Variants in TENM3 observed in about 807,000 individuals in gnomAD.
TENM3 encodes teneurin-3.
TENM3 carries 63 observed loss-of-function variants against 255.1 expected under a neutral mutation model. That is an observed-to-expected ratio of 0.25 (90% confidence interval 0.20 to 0.30). The LOEUF is 0.30. Among genes scored for constraint, TENM3 ranks in the 10% least tolerant of loss-of-function variants. The pLI, the probability that TENM3 is intolerant of heterozygous loss-of-function variation, is 1.00. For synonymous variants in TENM3, 1,306 were observed against 1,322.3 expected (o/e 0.99, Z 0.27); for missense variants, 2,929 against 3,461.1 (o/e 0.85, Z 3.86).
At chr4:182,585,419 T>G (rs973586601) in intron 3 of TENM3, among the ~76,000 whole-genome samples, 20 of 152,120 alleles carry the variant, frequency 1.3e-4, no homozygotes, top group African/African-American at 4.8e-4. Context: ...AAGGAAGTAA[T>G]TAAGGTTAAA....
At chr4:182,739,839 C>G (rs1055840439) in intron 18 of TENM3, among the ~76,000 whole-genome samples, 1 of 152,118 alleles carries the variant, frequency 6.6e-6, no homozygotes, top group Admixed American at 6.5e-5. Context: ...AGTTTGAGAC[C>G]AGCCTGGCCA....
chr4:182,043,202 G>A, the TENM3 span, among the ~76,000 whole-genome samples: 1 of 152,066 alleles, frequency 6.6e-6, no homozygotes, highest in East Asian at 1.9e-4. Context: ...TAATCAAAAT[G>A]AAAATAAAAC....
intron 6 of TENM3, among the ~76,000 whole-genome samples, chr4:182,661,192 A>ATTTTTTTTTT (rs35208231): frequency 3.4e-5 from 3 of 88,596 alleles, no homozygotes; most frequent in African/African-American, 1.4e-4. Flanking sequence ...TTAAATTTTA[A>ATTTTTTTTTT]TTTTTTTTTT....
chr4:182,273,825 C>T (rs539728665), intron 1 of TENM3, among the ~76,000 whole-genome samples: 48 of 152,222 alleles, frequency 3.2e-4, no homozygotes, highest in Non-Finnish European at 5.4e-4. Flanking sequence ...AATGCCAATT[C>T]GGAAATTTGA....
chr4:182,186,762 C>CACATATATAT (rs1753177281), intron 1 of TENM3, among the ~76,000 whole-genome samples: 2 of 27,498 alleles, frequency 7.3e-5, no homozygotes, highest in African/African-American at 2.5e-4. Context: ...ACTAATGCAT[C>CACATATATAT]ATATATATAT....
At chr4:182,250,465 TAACTTACCTAAGGTAACAC>T (rs1174994521) in intron 1 of TENM3, among the ~76,000 whole-genome samples, 3 of 152,186 alleles carry the variant, frequency 2.0e-5, no homozygotes, top group Non-Finnish European at 2.9e-5. Context: ...AAAAGTTAAG[TAACTTACCTAAGGTAACAC>T]AACTCGTAAA....
At chr4:181,939,276 G>C in the TENM3 span, among the ~76,000 whole-genome samples, 1 of 152,178 alleles carries the variant, frequency 6.6e-6, no homozygotes, top group Admixed American at 6.5e-5. Context: ...ATGTGTCTCT[G>C]TGTAAGAATG....
chr4:182,491,854 A>T (rs2151590197), intron 3 of TENM3, among the ~76,000 whole-genome samples: 1 of 152,304 alleles, frequency 6.6e-6, no homozygotes, highest in South Asian at 2.1e-4. Context: ...AGGGATTGGG[A>T]TGCAGAACAG....
chr4:181,728,353 G>A, the TENM3 span, among the ~76,000 whole-genome samples: 1 of 152,082 alleles, frequency 6.6e-6, no homozygotes, highest in African/African-American at 2.4e-5. Flanking sequence ...AGTAAACAAT[G>A]GCTACTCCGC....
intron 3 of TENM3, among the ~76,000 whole-genome samples, chr4:182,529,243 G>A (rs961140389): frequency 6.6e-6 from 1 of 152,284 alleles, no homozygotes; most frequent in South Asian, 2.1e-4. Context: ...CATTAGGAAC[G>A]CTGGTGTTCT....
intron 1 of TENM3, among the ~76,000 whole-genome samples, chr4:182,173,098 C>T (rs1345213577): frequency 6.6e-6 from 1 of 152,194 alleles, no homozygotes; most frequent in Non-Finnish European, 1.5e-5. Context: ...CCCAATCTCA[C>T]TGTCTTAATG....
intron 3 of TENM3, among the ~76,000 whole-genome samples, chr4:182,568,364 T>C (rs1488300183): frequency 3.3e-5 from 5 of 152,186 alleles, no homozygotes; most frequent in African/African-American, 1.2e-4. Flanking sequence ...AAGAGGTATC[T>C]GAAAGAAGGT....
intron 1 of TENM3, among the ~76,000 whole-genome samples, chr4:182,298,133 C>T (rs899540774): frequency 6.6e-6 from 1 of 152,198 alleles, no homozygotes; most frequent in Non-Finnish European, 1.5e-5. Context: ...GTCTTCATAG[C>T]ACCTGTCGCC....
At chr4:182,288,625 T>A (rs879807478) in intron 1 of TENM3, among the ~76,000 whole-genome samples, 19 of 152,184 alleles carry the variant, frequency 1.2e-4, no homozygotes, top group Non-Finnish European at 1.9e-4. Context: ...GTCAAATGAT[T>A]ACACAGACTA....
chr4:182,614,600 C>T (rs1431109049), intron 4 of TENM3, among the ~76,000 whole-genome samples: 3 of 151,970 alleles, frequency 2.0e-5, no homozygotes, highest in Non-Finnish European at 4.4e-5. Flanking sequence ...TTAGTTATAG[C>T]TTTTTTGTCA....
At chr4:182,731,694 G>GGT (rs70956536) in intron 16 of TENM3, among the ~76,000 whole-genome samples, 10,691 of 124,472 alleles carry the variant, frequency 0.086, 463 homozygotes, top group Non-Finnish European at 0.11. Context: ...TGGGTGTTGG[G>GGT]GTGTGTGTGT....
the TENM3 span, among the ~76,000 whole-genome samples, chr4:181,725,741 C>T: frequency 6.6e-6 from 1 of 152,146 alleles, no homozygotes; most frequent in Non-Finnish European, 1.5e-5. Context: ...CGCACCCAGC[C>T]TTTCAAACCA....
At chr4:181,840,907 T>C in the TENM3 span, among the ~76,000 whole-genome samples, 84,960 of 152,054 alleles carry the variant, frequency 0.56, 25,083 homozygotes, top group East Asian at 0.74. Flanking sequence ...GTCACCAGCC[T>C]GAGTATTTTC....
At chr4:182,089,232 C>T in the TENM3 span, among the ~76,000 whole-genome samples, 1 of 152,238 alleles carries the variant, frequency 6.6e-6, no homozygotes, top group East Asian at 1.9e-4. Flanking sequence ...TGAATACAAC[C>T]ATTTTACAAA....
Sources: allele counts gnomAD v4.1 joint callset (sites outside exome capture counted in the v4.1 genomes callset), GRCh38; gene constraint gnomAD v4.1.1; transcripts MANE v1.5; gene names NCBI Gene and HGNC (gene_info 2026-07-23, HGNC 2026-07-21).